Variants in KRAS observed in about 807,000 individuals in gnomAD.
The protein encoded by KRAS is KRas proto-oncogene, GTPase, also known as GTPase KRas.
Under a neutral mutation model 21.0 loss-of-function variants are expected in KRAS, and 1 was observed. That is an observed-to-expected ratio of 0.05 (90% CI 0.02 to 0.23). The LOEUF (loss-of-function observed/expected upper bound fraction) is 0.23, where lower values mean the gene tolerates loss of function less well. Ranked by LOEUF, KRAS falls within the 10% of genes least tolerant of loss-of-function variation. The pLI, the probability that KRAS is intolerant of heterozygous loss-of-function variation, is 1.00. For synonymous variants in KRAS, 67 were observed against 72.5 expected (o/e 0.92, Z 0.39); for missense variants, 107 against 221.8 (o/e 0.48, Z 3.29).
intron 4 of KRAS, among the ~76,000 whole-genome samples, chr12:25,212,965 C>T (rs751263274): frequency 6.6e-6 from 1 of 152,152 alleles, no homozygotes; most frequent in Non-Finnish European, 1.5e-5. Flanking sequence ...ATGGCACCAT[C>T]ATAGCTCCCT....
rs1691169358 is a variant in KRAS, at chr12:25,206,721, CAT to C, written c.*3072_*3073del. ...TAGTTTCACATAGCAATTCAGAAAT[CAT>C]AGTGATTTTTACATAGAAGTTTCCT... On this transcript the variant is annotated 3_prime_UTR_variant, in exon 5 of 5. Coordinates refer to ENST00000311936, the MANE Select transcript of KRAS (RefSeq NM_004985.5). 1.0e-5 allele frequency: 2 copies of C among 197,808 alleles called. No individual in the cohort carries two copies. Among genetic ancestry groups the C allele is most frequent in the South Asian group, 1.9e-4 (1 of 5,162 alleles). 12.3% of individuals were successfully genotyped at this position (197,808 alleles called of 1,614,324 possible).
chr12:25,209,791 G>T lies in KRAS; in HGVS notation c.*4C>A. ...ATGCCTTAAGAAAAAAGTACAAATT[G>T]TATTTACATAATTACACACTTTGTC... On this transcript the variant is annotated 3_prime_UTR_variant, in exon 5 of 5. Transcript: ENST00000311936. 1 of 1,605,656 alleles carries T rather than the reference G, an allele frequency of 6.2e-7. No homozygotes were observed. The highest frequency in any genetic ancestry group is 8.5e-7 in the Non-Finnish European group (1 of 1,173,660).
chr12:25,209,887 A>C lies in KRAS; in HGVS notation c.475T>G (p.Leu159Val). ...RQGVDDAFYT[L>V]VREIRKHKEK... ...TTATGTTTTCGAATTTCTCGAACTA[A>C]TGTATAGAAGGCATCATCAACACCC... Residue 159 changes from leucine to valine, a missense_variant, in exon 5 of 5, where the codon TTA becomes GTA. Around this residue, in one of 2 missense-constraint regions of KRAS, gnomAD observed 65 missense variants for 82.3 expected, o/e 0.79. Coordinates refer to ENST00000311936, the MANE Select transcript of KRAS (RefSeq NM_004985.5). 1 of 1,611,172 alleles carries C rather than the reference A, an allele frequency of 6.2e-7. No individual in the cohort carries two copies. Among genetic ancestry groups the C allele is most frequent in the South Asian group, 1.1e-5 (1 of 90,904 alleles).
intron 3 of KRAS, among the ~76,000 whole-genome samples, chr12:25,226,056 A>G (rs187898432): frequency 2.6e-5 from 4 of 152,336 alleles, no homozygotes; most frequent in Admixed American, 2.6e-4. Context: ...AACAGAAACT[A>G]CTGAAAAATT....
intron 1 of KRAS, among the ~76,000 whole-genome samples, chr12:25,245,844 C>A (rs1368421557): frequency 6.6e-6 from 1 of 152,136 alleles, no homozygotes; most frequent in African/African-American, 2.4e-5. Context: ...TAGTGGACCC[C>A]CACCTCTAAG....
At chr12:25,211,491 C>G (rs766876015) in intron 4 of KRAS, among the ~76,000 whole-genome samples, 3 of 152,014 alleles carry the variant, frequency 2.0e-5, no homozygotes, top group Non-Finnish European at 2.9e-5. Context: ...AGGAGAATTG[C>G]TGAACCCGGA....
chr12:25,207,905 A>AATCTT lies in KRAS; in HGVS notation c.*1885_*1889dup, dbSNP rs1951156214. On this transcript the variant is annotated 3_prime_UTR_variant, in exon 5 of 5. Transcript: ENST00000311936. ...CATGGAGATATCCACAGCAGCAGTAAATCTTATGGTTAGGGGAATTACAAG... is the reference window on the plus strand; with the variant it reads ...CATGGAGATATCCACAGCAGCAGTAAATCTTATCTTATGGTTAGGGGAATTACAAG... 4.3e-6 allele frequency: 1 copy of AATCTT among 233,082 alleles called. No homozygotes were observed. The highest frequency in any genetic ancestry group is 2.2e-5 in the African/African-American group (1 of 45,338). 14.4% of individuals were successfully genotyped at this position (233,082 alleles called of 1,614,324 possible).
intron 4 of KRAS, chr12:25,210,523 ATATT>A (rs1278522926): frequency 1.3e-5 from 2 of 152,146 alleles, no homozygotes; most frequent in Non-Finnish European, 2.9e-5. Flanking sequence ...TTCAATTCAT[ATATT>A]TATCATTAAG....
chr12:25,205,635 T>C lies in KRAS; in HGVS notation c.*4160A>G, dbSNP rs1486203727. ...TTTTCAACATGAAAACACAAGACAGTGGAATTGGAAACTTTCGGATAAAAC... is the reference window on the plus strand; with the variant it reads ...TTTTCAACATGAAAACACAAGACAGCGGAATTGGAAACTTTCGGATAAAAC... On this transcript the variant is annotated 3_prime_UTR_variant, in exon 5 of 5. Transcript: ENST00000311936. The C allele has an allele frequency of 3.1e-5, 7 of 224,268 alleles. No homozygotes were observed. Among genetic ancestry groups the C allele is most frequent in the Non-Finnish European group, 2.7e-5 (3 of 112,306 alleles). 13.9% of individuals were successfully genotyped at this position (224,268 alleles called of 1,614,324 possible).
intron 4 of KRAS, among the ~76,000 whole-genome samples, chr12:25,221,223 G>A (rs1182299296): frequency 6.6e-6 from 1 of 151,266 alleles, no homozygotes; most frequent in Non-Finnish European, 1.5e-5. Context: ...TGGACCAAAT[G>A]CAGCCACAGC....
rs142633606 is a variant in KRAS at position 25,248,510 on chromosome 12, T to C, written c.-12+2241A>G. On this transcript the variant is annotated intron_variant, in intron 1 of 4. Coordinates refer to ENST00000311936, the MANE Select transcript of KRAS (RefSeq NM_004985.5). ...CCAAAAAGTTTACTAGCCTAGGAAA[T>C]ACTGTGGACAGACATTGGATTAGAG... Among the ~76,000 whole-genome samples the C allele has an allele frequency of 1.4e-3, 210 of 151,956 alleles. 1 individual carries two copies. The highest frequency in any genetic ancestry group is 4.7e-3 in the African/African-American group (196 of 41,416).
rs143594892 is a variant in KRAS at position 25,212,045 on chromosome 12, A to G, written c.451-2134T>C. On this transcript the variant is annotated intron_variant, in intron 4 of 4. Coordinates refer to ENST00000311936, the MANE Select transcript of KRAS (RefSeq NM_004985.5). ...TCAGGCTAAACTCTTTAACACATATAGAGGGGAAAATTTCCAATGATACAA... is the reference window on the plus strand; with the variant it reads ...TCAGGCTAAACTCTTTAACACATATGGAGGGGAAAATTTCCAATGATACAA... Among the ~76,000 whole-genome samples the G allele has an allele frequency of 1.4e-3, 207 of 152,332 alleles. 4 individuals are homozygous for G. In the East Asian group the frequency reaches 0.027, roughly 20 times the overall value.
rs1951762444 is a variant in KRAS, at chr12:25,250,885, A to ACTGCCGCCGCCGCTG, written c.-161_-147dup. The ACTGCCGCCGCCGCTG allele has an allele frequency of 3.7e-5, 9 of 244,612 alleles. No homozygotes were observed. In the East Asian group the frequency reaches 4.5e-4, roughly 12 times the overall value. 15.2% of individuals were successfully genotyped at this position (244,612 alleles called of 1,614,324 possible). A position where few individuals can be genotyped will look rare whatever the true frequency, so the allele number is the denominator to read the frequency against. ...AGCCGCCGCCACCTTCGCCGCCGCC[A>ACTGCCGCCGCCGCTG]CTGCCGCCGCCGCTGCTGCCTCCGC... On this transcript the variant is annotated 5_prime_UTR_variant, in exon 1 of 5. Coordinates refer to ENST00000311936, the MANE Select transcript of KRAS (RefSeq NM_004985.5).
intron 2 of KRAS, among the ~76,000 whole-genome samples, chr12:25,229,528 G>A (rs964903163): frequency 1.1e-4 from 17 of 152,108 alleles, no homozygotes; most frequent in African/African-American, 4.1e-4. Flanking sequence ...AGAAGGGAGT[G>A]GGTAACTTTA....
chr12:25,245,181 G>A (rs776858818), intron 2 of KRAS, 93 bp downstream of exon 2: 1 of 1,302,592 alleles, frequency 7.7e-7, no homozygotes, highest in Non-Finnish European at 1.1e-6. Flanking sequence ...TAATTATCTT[G>A]TAATAAGTAC....
intron 4 of KRAS, chr12:25,215,240 G>T: frequency 1.4e-6 from 1 of 732,226 alleles, no homozygotes; most frequent in Non-Finnish European, 1.7e-6. Flanking sequence ...GTCTACTACA[G>T]CCATCAAAAT....
At chr12:25,235,228 T>C (rs1318298217) in intron 2 of KRAS, 10 of 565,648 alleles carry the variant, frequency 1.8e-5, no homozygotes, top group African/African-American at 1.6e-4. Flanking sequence ...TAATAACACC[T>C]GTAGGAAAAG....
chr12:25,217,236 T>C (rs1951265955), intron 4 of KRAS, among the ~76,000 whole-genome samples: 1 of 152,236 alleles, frequency 6.6e-6, no homozygotes, highest in Non-Finnish European at 1.5e-5. Context: ...AGAAGTCATC[T>C]GTACATCTAC....
chr12:25,233,505 G>C (rs1199253851), intron 2 of KRAS, among the ~76,000 whole-genome samples: 1 of 152,120 alleles, frequency 6.6e-6, no homozygotes, highest in Admixed American at 6.5e-5. Flanking sequence ...ATGAATGAAT[G>C]AATGAACGAA....
Sources: gnomAD v4.1 joint callset for allele counts (sites outside exome capture counted in the v4.1 genomes callset) on GRCh38, gnomAD v4.1.1 for gene constraint, gnomAD v4.1.1 regional missense constraint, MANE v1.5 for transcripts, NCBI Gene and HGNC (gene_info 2026-07-23, HGNC 2026-07-21) for gene names.